The following PLCE1 variants were observed in gnomAD, a reference collection of about 807,000 sequenced individuals.
The protein encoded by PLCE1 is phospholipase C epsilon 1, also known as 1-phosphatidylinositol 4,5-bisphosphate phosphodiesterase epsilon-1.
PLCE1 carries 119 observed loss-of-function variants against 242.8 expected under a neutral mutation model. The observed-to-expected ratio is 0.49, with a 90% CI of 0.42 to 0.57. The LOEUF is 0.57. Among genes scored for constraint, PLCE1 ranks in the 20% least tolerant of loss-of-function variants. The pLI, the probability that PLCE1 is intolerant of heterozygous loss-of-function variation, is 0.00. For missense variants in PLCE1, 2,441 were observed against 2,788.8 expected (o/e 0.88, Z 2.81); for synonymous variants, 945 against 1,017.4 (o/e 0.93, Z 1.35).
chr10:94,034,159 C>T (rs1461854152), intron 2 of PLCE1, among the ~76,000 whole-genome samples: 2 of 152,144 alleles, frequency 1.3e-5, no homozygotes, highest in African/African-American at 4.8e-5. Context: ...TATTCACTAC[C>T]ATGAGAAAAC....
chr10:94,166,774 T>C (rs943992298), intron 3 of PLCE1, among the ~76,000 whole-genome samples: 4 of 152,132 alleles, frequency 2.6e-5, no homozygotes, highest in African/African-American at 7.2e-5. Flanking sequence ...TTATCGTCTA[T>C]AGCAAGGGGA....
Position 94,032,337 on chromosome 10 carries a change from A to T in PLCE1, c.1206+85A>T, listed in dbSNP as rs571322803. The T allele has an allele frequency of 5.6e-6, 7 of 1,251,326 alleles. No homozygotes were observed. The African/African-American group carries it at 6.0e-5, about 11-fold the overall frequency. 77.5% of individuals were successfully genotyped at this position (1,251,326 alleles called of 1,614,324 possible). On this transcript the variant is annotated intron_variant, in intron 2 of 32. Coordinates refer to ENST00000371380, the MANE Select transcript of PLCE1 (RefSeq NM_016341.4). Reference sequence around the variant, plus strand: ...GTCCAAATTTCCATTGTCATAATTGATGAGAAATTTTAAGATCTGTCAAAT... The same window carrying T: ...GTCCAAATTTCCATTGTCATAATTGTTGAGAAATTTTAAGATCTGTCAAAT...
chr10:94,227,173 A>C, intron 4 of PLCE1, 133 bp from the exon 5 acceptor site: 3 of 823,356 alleles, frequency 3.6e-6, no homozygotes, highest in Non-Finnish European at 6.1e-6. Context: ...CACCACGCCC[A>C]GCCAGGACCT....
At chr10:94,086,892 T>C (rs1453665618) in intron 2 of PLCE1, among the ~76,000 whole-genome samples, 1 of 152,230 alleles carries the variant, frequency 6.6e-6, no homozygotes, top group Non-Finnish European at 1.5e-5. Context: ...ATACTTGCCT[T>C]ACTGGGGCTA....
chr10:94,137,118 G>A (rs573242678), intron 3 of PLCE1, among the ~76,000 whole-genome samples: 32 of 152,180 alleles, frequency 2.1e-4, no homozygotes, highest in Admixed American at 2.6e-4. Context: ...GCGTGAACCC[G>A]GGAGGCAGAG....
intron 18 of PLCE1, 27 bp downstream of exon 18, chr10:94,270,629 G>A: frequency 1.5e-6 from 2 of 1,312,688 alleles, no homozygotes; most frequent in Non-Finnish European, 2.2e-6. Flanking sequence ...AAGGCAGGAT[G>A]GTATGTTGGC....
chr10:94,065,162 A>G (rs1440815555), intron 2 of PLCE1, among the ~76,000 whole-genome samples: 1 of 151,082 alleles, frequency 6.6e-6, no homozygotes, highest in Non-Finnish European at 1.5e-5. Context: ...TTCTCACCCA[A>G]CTCCTGCCTT....
chr10:94,013,835 G>A (rs145452121), intron 1 of PLCE1, among the ~76,000 whole-genome samples: 2,249 of 152,284 alleles, frequency 0.015, 29 homozygotes, highest in Middle Eastern at 0.037. Flanking sequence ...AGCCGAAATC[G>A]GAATGGCCTG....
In PLCE1 at chr10:94,054,755, G is replaced by A. The variant is rs531633991; in HGVS notation, c.1206+22503G>A. 3.3e-5 allele frequency among the ~76,000 whole-genome samples: 5 copies of A among 152,244 alleles called. No individual in the cohort carries two copies. In the East Asian group the frequency reaches 9.7e-4, roughly 29 times the overall value. On this transcript the variant is annotated intron_variant, in intron 2 of 32. Transcript: ENST00000371380. Reference sequence around the variant, plus strand: ...AGGCCGAGTGCAGTGGCTCATGCCTGTAATCCCAGCACTTTGGGAGGCCGA... The same window carrying A: ...AGGCCGAGTGCAGTGGCTCATGCCTATAATCCCAGCACTTTGGGAGGCCGA...
intron 14 of PLCE1, among the ~76,000 whole-genome samples, chr10:94,263,056 G>A (rs1429726209): frequency 1.3e-5 from 2 of 152,016 alleles, no homozygotes; most frequent in Non-Finnish European, 2.9e-5. Flanking sequence ...GTTTTTAGTA[G>A]AGATGGGGTT....
At chr10:94,097,598 C>A (rs1051014305) in intron 2 of PLCE1, among the ~76,000 whole-genome samples, 1 of 152,078 alleles carries the variant, frequency 6.6e-6, no homozygotes, top group Non-Finnish European at 1.5e-5. Flanking sequence ...GGTAGTAAGG[C>A]GGAGCTTAAC....
intron 4 of PLCE1, among the ~76,000 whole-genome samples, chr10:94,180,978 A>G (rs2048293363): frequency 6.6e-6 from 1 of 152,190 alleles, no homozygotes; most frequent in African/African-American, 2.4e-5. Flanking sequence ...AGCAGCACAA[A>G]ATGGACTAAG....
intron 2 of PLCE1, among the ~76,000 whole-genome samples, chr10:94,038,863 T>G (rs1281333491): frequency 6.6e-6 from 1 of 152,186 alleles, no homozygotes; most frequent in African/African-American, 2.4e-5. Context: ...CCTGTTTCTT[T>G]TAGCTATCAC....
chr10:94,278,713 T>C (rs1208490295), intron 19 of PLCE1, among the ~76,000 whole-genome samples: 1 of 152,180 alleles, frequency 6.6e-6, no homozygotes, highest in African/African-American at 2.4e-5. Context: ...TATTAACATT[T>C]AATATCTAGG....
intron 1 of PLCE1, among the ~76,000 whole-genome samples, chr10:94,013,115 T>C (rs1467862533): frequency 1.3e-5 from 2 of 152,242 alleles, no homozygotes; most frequent in Non-Finnish European, 2.9e-5. Context: ...CTTTGTGTTC[T>C]TCCCCTAAGT....
intron 2 of PLCE1, among the ~76,000 whole-genome samples, chr10:94,066,858 A>G (rs1283168725): frequency 2.0e-5 from 3 of 152,192 alleles, no homozygotes; most frequent in African/African-American, 7.2e-5. Context: ...TGTCCCTTGT[A>G]GTCACTCTTT....
rs1356721547 is a variant in PLCE1 at position 94,329,729 on chromosome 10, G to A, written c.*1786G>A. The A allele has an allele frequency of 8.3e-6, 1 of 120,062 alleles. No individual in the cohort carries two copies. The highest frequency in any genetic ancestry group is 3.2e-5 in the African/African-American group (1 of 31,712). 7.4% of individuals were successfully genotyped at this position (120,062 alleles called of 1,614,324 possible). A position where few individuals can be genotyped will look rare whatever the true frequency, so the allele number is the denominator to read the frequency against. On this transcript the variant is annotated 3_prime_UTR_variant, in exon 33 of 33. Coordinates refer to ENST00000371380, the MANE Select transcript of PLCE1 (RefSeq NM_016341.4). ...GGAGGTGGAGGCTGCAGTGAGCCAA[G>A]ATCGCACCACCACGCTCCAGCCTGG...
chr10:94,303,038 G>A (rs934728244), intron 24 of PLCE1, among the ~76,000 whole-genome samples: 3 of 152,184 alleles, frequency 2.0e-5, no homozygotes, highest in African/African-American at 7.2e-5. Context: ...AGGACTGGCA[G>A]GGGCCTGAGA....
In PLCE1 at chr10:94,328,059, T is replaced by G. The variant is rs886047506; in HGVS notation, c.*116T>G. ...ACTTAAACTGGAAATTGATGATTTC[T>G]GAACTGAAGCCTTCACACATGTGAG... On this transcript the variant is annotated 3_prime_UTR_variant, in exon 33 of 33. Transcript: ENST00000371380. 4.0e-6 allele frequency: 2 copies of G among 494,292 alleles called. No individual in the cohort carries two copies. The highest frequency in any genetic ancestry group is 8.4e-6 in the Non-Finnish European group (2 of 239,478). 30.6% of individuals were successfully genotyped at this position (494,292 alleles called of 1,614,324 possible).
Sources: gnomAD v4.1 joint callset for allele counts (sites outside exome capture counted in the v4.1 genomes callset) on GRCh38, gnomAD v4.1.1 for gene constraint, MANE v1.5 for transcripts, NCBI Gene and HGNC (gene_info 2026-07-23, HGNC 2026-07-21) for gene names.